RBFOX1: variants seen among roughly 807,000 people sequenced by gnomAD.
The protein encoded by RBFOX1 is RNA binding protein fox-1 homolog 1.
A neutral mutation model predicts 57.7 loss-of-function variants in RBFOX1; 8 were observed. The ratio of observed to expected loss-of-function variants is 0.14; its 90% CI spans 0.08 to 0.25. RBFOX1 has a LOEUF of 0.25. RBFOX1 is among the 10% of genes least tolerant of loss of function. The pLI is 1.00. For synonymous variants in RBFOX1, 326 were observed against 222.4 expected (o/e 1.47, Z -4.15); for missense variants, 611 against 548.5 (o/e 1.11, Z -1.14).
intron 3 of RBFOX1, among the ~76,000 whole-genome samples, chr16:5,635,963 A>G (rs563123705): frequency 5.1e-4 from 78 of 152,184 alleles, no homozygotes; most frequent in South Asian, 2.3e-3. Flanking sequence ...AATCCCAGCA[A>G]TTTTGGAGTC....
At chr16:5,898,456 G>A (rs1370401558) in intron 4 of RBFOX1, among the ~76,000 whole-genome samples, 2 of 151,452 alleles carry the variant, frequency 1.3e-5, no homozygotes, top group Non-Finnish European at 2.9e-5. Flanking sequence ...CTGGCCTAGA[G>A]AATAATCCAC....
chr16:5,849,539 C>T (rs969312037), intron 3 of RBFOX1, among the ~76,000 whole-genome samples: 9 of 152,094 alleles, frequency 5.9e-5, no homozygotes, highest in Non-Finnish European at 1.5e-5. Flanking sequence ...GATTCCATGG[C>T]CCCTCTGATT....
chr16:7,207,810 C>T (rs146450194), intron 4 of RBFOX1, among the ~76,000 whole-genome samples: 7 of 152,270 alleles, frequency 4.6e-5, no homozygotes, highest in East Asian at 1.9e-4. Flanking sequence ...AGCAATAGAA[C>T]GAGCAGGCCA....
chr16:7,637,259 C>T (rs949234099), intron 11 of RBFOX1, among the ~76,000 whole-genome samples: 3 of 134,250 alleles, frequency 2.2e-5, no homozygotes, highest in Admixed American at 1.5e-4. Context: ...CACCCTGATA[C>T]CCTTCCCTCC....
At chr16:6,370,048 T>G (rs1247601194) in intron 2 of RBFOX1, among the ~76,000 whole-genome samples, 1 of 152,138 alleles carries the variant, frequency 6.6e-6, no homozygotes, top group Admixed American at 6.5e-5. Flanking sequence ...TTTTATGATC[T>G]TGACATTTTT....
intron 3 of RBFOX1, among the ~76,000 whole-genome samples, chr16:6,743,548 C>A (rs984168496): frequency 5.9e-5 from 9 of 151,982 alleles, no homozygotes; most frequent in African/African-American, 1.9e-4. Context: ...TTGAGACCAA[C>A]CTGAGCAACA....
chr16:6,899,756 C>G (rs865837465), intron 3 of RBFOX1, among the ~76,000 whole-genome samples: 3 of 152,338 alleles, frequency 2.0e-5, no homozygotes, highest in Middle Eastern at 3.4e-3. Context: ...TCAACATTTA[C>G]ATGAATGAAG....
chr16:5,241,803 A>G (rs1385666264), intron 1 of RBFOX1, among the ~76,000 whole-genome samples: 1 of 152,190 alleles, frequency 6.6e-6, no homozygotes, highest in African/African-American at 2.4e-5. Context: ...GGTGCATCAC[A>G]AGAGACAAGG....
intron 2 of RBFOX1, among the ~76,000 whole-genome samples, chr16:5,580,989 G>A (rs553967332): frequency 5.0e-4 from 76 of 152,328 alleles, no homozygotes; most frequent in African/African-American, 1.3e-3. Context: ...CTTCAGGAGA[G>A]GCTGGGATGA....
intron 3 of RBFOX1, among the ~76,000 whole-genome samples, chr16:7,019,544 T>C (rs2094101703): frequency 6.6e-6 from 1 of 152,202 alleles, no homozygotes; most frequent in African/African-American, 2.4e-5. Context: ...TTGTTTGTGC[T>C]GTGGATTTGC....
chr16:6,641,044 C>G (rs1038335056), intron 2 of RBFOX1, among the ~76,000 whole-genome samples: 2 of 152,202 alleles, frequency 1.3e-5, no homozygotes, highest in Non-Finnish European at 2.9e-5. Flanking sequence ...ACTCACCGTT[C>G]TGCATCCCAC....
chr16:5,417,855 T>C (rs1014803955), intron 1 of RBFOX1, among the ~76,000 whole-genome samples: 5 of 152,072 alleles, frequency 3.3e-5, no homozygotes, highest in African/African-American at 1.2e-4. Context: ...CCGAGGTGGG[T>C]GGATCACTTG....
chr16:5,408,065 G>A (rs116040188), intron 1 of RBFOX1, among the ~76,000 whole-genome samples: 1,559 of 148,524 alleles, frequency 0.01, 43 homozygotes, highest in African/African-American at 0.037. Context: ...TGTTTAATTC[G>A]GTTGCTTATT....
At chr16:6,333,041 C>CT (rs928399859) in intron 2 of RBFOX1, among the ~76,000 whole-genome samples, 5 of 151,398 alleles carry the variant, frequency 3.3e-5, no homozygotes, top group Non-Finnish European at 7.4e-5. Flanking sequence ...ATGTGACATT[C>CT]TTTTTTTTTC....
At chr16:5,882,595 C>T (rs1450354062) in intron 4 of RBFOX1, among the ~76,000 whole-genome samples, 1 of 152,150 alleles carries the variant, frequency 6.6e-6, no homozygotes, top group South Asian at 2.1e-4. Context: ...AAACTCCATC[C>T]ACAGCAAGAG....
intron 4 of RBFOX1, among the ~76,000 whole-genome samples, chr16:7,288,849 T>A (rs2095702821): frequency 6.6e-6 from 1 of 152,204 alleles, no homozygotes; most frequent in Non-Finnish European, 1.5e-5. Context: ...TCAAAAACTT[T>A]GTTGTTACTT....
At chr16:5,345,852 C>T (rs1045519507) in intron 1 of RBFOX1, among the ~76,000 whole-genome samples, 2 of 152,152 alleles carry the variant, frequency 1.3e-5, no homozygotes, top group African/African-American at 4.8e-5. Flanking sequence ...GCTGATGGCC[C>T]GTTAGTGGGC....
At chr16:5,584,842 T>G (rs78461915) in intron 2 of RBFOX1, among the ~76,000 whole-genome samples, 1 of 152,310 alleles carries the variant, frequency 6.6e-6, no homozygotes, top group East Asian at 1.9e-4. Flanking sequence ...TTTAATGGCT[T>G]TTGAGATGCA....
At chr16:5,731,921 A>T (rs1419434457) in intron 3 of RBFOX1, among the ~76,000 whole-genome samples, 2 of 152,168 alleles carry the variant, frequency 1.3e-5, no homozygotes, top group Non-Finnish European at 2.9e-5. Flanking sequence ...TTGTCTGTTC[A>T]GGTGTTTAAT....
Sources: allele counts gnomAD v4.1 joint callset (sites outside exome capture counted in the v4.1 genomes callset), GRCh38; gene constraint gnomAD v4.1.1; transcripts MANE v1.5; gene names NCBI Gene and HGNC (gene_info 2026-07-23, HGNC 2026-07-21).